The following FBXL7 variants were observed in gnomAD, a reference collection of about 807,000 sequenced individuals.
FBXL7 encodes the protein F-box/LRR-repeat protein 7.
Under a neutral mutation model 38.3 loss-of-function variants are expected in FBXL7, and 12 were observed. The ratio of observed to expected loss-of-function variants is 0.31; its 90% CI spans 0.20 to 0.51. The LOEUF is 0.51. Ranked by LOEUF, FBXL7 falls within the 20% of genes least tolerant of loss-of-function variation. The probability of loss-of-function intolerance (pLI) is 0.98; values close to 1 mark genes in which losing one functional copy is unlikely to be tolerated. For synonymous variants in FBXL7, 297 were observed against 300.9 expected (o/e 0.99, Z 0.13); for missense variants, 567 against 676.4 (o/e 0.84, Z 1.79).
At chr5:15,608,131 ATAAT>A (rs1303441658) in intron 1 of FBXL7, among the ~76,000 whole-genome samples, 3 of 152,198 alleles carry the variant, frequency 2.0e-5, no homozygotes, top group East Asian at 1.9e-4. Flanking sequence ...TAATAGTAAA[ATAAT>A]TATTTTAAAT....
intron 2 of FBXL7, among the ~76,000 whole-genome samples, chr5:15,641,522 G>A (rs1433505285): frequency 2.0e-5 from 3 of 149,916 alleles, no homozygotes; most frequent in Non-Finnish European, 3.0e-5. Flanking sequence ...TTTTTTGGTG[G>A]CAGTGATTAA....
At chr5:15,858,279 C>T (rs913509481) in intron 2 of FBXL7, among the ~76,000 whole-genome samples, 2 of 151,120 alleles carry the variant, frequency 1.3e-5, no homozygotes, top group African/African-American at 4.9e-5. Context: ...ATTTATCATT[C>T]AAACATTTTA....
At chr5:15,817,557 T>A (rs985952169) in intron 2 of FBXL7, among the ~76,000 whole-genome samples, 1 of 152,160 alleles carries the variant, frequency 6.6e-6, no homozygotes, top group African/African-American at 2.4e-5. Context: ...GTAGTTCCTA[T>A]TACCCACCAT....
chr5:15,578,512 AAC>A (rs1224048821), intron 1 of FBXL7, among the ~76,000 whole-genome samples: 10 of 152,166 alleles, frequency 6.6e-5, no homozygotes, highest in African/African-American at 2.4e-4. Context: ...AGAAAGTCTC[AAC>A]ACACTAACCC....
chr5:15,568,600 C>T (rs1311723540), intron 1 of FBXL7, among the ~76,000 whole-genome samples: 1 of 151,326 alleles, frequency 6.6e-6, no homozygotes, highest in Non-Finnish European at 1.5e-5. Flanking sequence ...TTAATTAGAT[C>T]CCATTTGTCA....
chr5:15,911,734 C>T (rs1490273073), intron 2 of FBXL7, among the ~76,000 whole-genome samples: 1 of 76,676 alleles, frequency 1.3e-5, no homozygotes, highest in African/African-American at 8.9e-5. Context: ...TGTTAGTTTT[C>T]CTTCTAACAG....
chr5:15,626,544 C>CTA (rs1554010327), intron 2 of FBXL7, among the ~76,000 whole-genome samples: 1 of 148,242 alleles, frequency 6.7e-6, no homozygotes, highest in Non-Finnish European at 1.5e-5. Context: ...AATTCGTTTC[C>CTA]TGTGTGTGTG....
chr5:15,740,766 C>T (rs1162221298), intron 2 of FBXL7, among the ~76,000 whole-genome samples: 1 of 151,782 alleles, frequency 6.6e-6, no homozygotes. Context: ...AGAAATCAGG[C>T]AAAGGGAAAG....
chr5:15,748,124 A>C (rs1390222932), intron 2 of FBXL7, among the ~76,000 whole-genome samples: 3 of 138,738 alleles, frequency 2.2e-5, no homozygotes, highest in Non-Finnish European at 4.9e-5. Context: ...AAAAGTCTAG[A>C]GGAATTCTGA....
At chr5:15,632,039 C>T (rs922236076) in intron 2 of FBXL7, among the ~76,000 whole-genome samples, 1 of 152,178 alleles carries the variant, frequency 6.6e-6, no homozygotes, top group Non-Finnish European at 1.5e-5. Context: ...TGCATGCATG[C>T]TCTAGGAGAT....
At chr5:15,760,527 C>G (rs1231121337) in intron 2 of FBXL7, among the ~76,000 whole-genome samples, 1 of 151,854 alleles carries the variant, frequency 6.6e-6, no homozygotes, top group Non-Finnish European at 1.5e-5. Context: ...ACAGGCTCAT[C>G]ATTGCCTAAC....
chr5:15,614,043 C>T (rs185101634), intron 1 of FBXL7, among the ~76,000 whole-genome samples: 27 of 152,230 alleles, frequency 1.8e-4, no homozygotes, highest in Admixed American at 5.9e-4. Context: ...CAAGGCCCCA[C>T]CTCCTTATAC....
chr5:15,577,759 T>C (rs1293907607), intron 1 of FBXL7, among the ~76,000 whole-genome samples: 1 of 152,124 alleles, frequency 6.6e-6, no homozygotes, highest in African/African-American at 2.4e-5. Context: ...ATGTAGTCCA[T>C]TGTATTTGTC....
At chr5:15,796,877 G>C (rs866970058) in intron 2 of FBXL7, among the ~76,000 whole-genome samples, 1 of 152,162 alleles carries the variant, frequency 6.6e-6, no homozygotes, top group Non-Finnish European at 1.5e-5. Context: ...TAGAACGTGC[G>C]TGATGAGATC....
At chr5:15,570,052 T>C (rs951127859) in intron 1 of FBXL7, among the ~76,000 whole-genome samples, 48 of 152,146 alleles carry the variant, frequency 3.2e-4, no homozygotes, top group African/African-American at 1.1e-3. Context: ...TAAAATTCTC[T>C]TTTTTTGTTG....
intron 2 of FBXL7, among the ~76,000 whole-genome samples, chr5:15,923,869 G>A (rs1463439334): frequency 6.6e-6 from 1 of 151,954 alleles, no homozygotes; most frequent in African/African-American, 2.4e-5. Flanking sequence ...CCCATGCACA[G>A]GGTAAGTATC....
chr5:15,792,742 A>T (rs1405673716), intron 2 of FBXL7, among the ~76,000 whole-genome samples: 1 of 152,140 alleles, frequency 6.6e-6, no homozygotes, highest in Admixed American at 6.5e-5. Flanking sequence ...GACCATCTGG[A>T]TGGATCCATG....
At chr5:15,911,373 C>A (rs1197892305) in intron 2 of FBXL7, among the ~76,000 whole-genome samples, 1 of 120,838 alleles carries the variant, frequency 8.3e-6, no homozygotes, top group Non-Finnish European at 1.6e-5. Context: ...TTTTCAGCTC[C>A]ATCAGCTCCT....
chr5:15,797,318 T>C (rs1737441534), intron 2 of FBXL7, among the ~76,000 whole-genome samples: 1 of 152,202 alleles, frequency 6.6e-6, no homozygotes. Flanking sequence ...TGTAGGACCC[T>C]CCCAGAGGAA....
Sources: allele counts gnomAD v4.1 joint callset (sites outside exome capture counted in the v4.1 genomes callset), GRCh38; gene constraint gnomAD v4.1.1; transcripts MANE v1.5; gene names NCBI Gene and HGNC (gene_info 2026-07-23, HGNC 2026-07-21).